The following M1AP variants were observed in gnomAD, a reference collection of about 807,000 sequenced individuals.
The protein encoded by M1AP is meiosis 1 associated protein, also known as meiosis 1 arrest protein.
Under a neutral mutation model 51.2 loss-of-function variants are expected in M1AP, and 39 were observed. The ratio of observed to expected loss-of-function variants is 0.76; its 90% CI spans 0.59 to 1.00. The LOEUF (loss-of-function observed/expected upper bound fraction) is 1.00, where lower values mean the gene tolerates loss of function less well. Among genes scored for constraint, M1AP ranks in the 50% least tolerant of loss-of-function variants. The pLI, the probability that M1AP is intolerant of heterozygous loss-of-function variation, is 0.00. For missense variants in M1AP, 545 were observed against 641.2 expected (o/e 0.85, Z 1.62); for synonymous variants, 251 against 249.2 (o/e 1.01, Z -0.07).
At chr2:74,603,608 A>G (rs372079732) in intron 4 of M1AP, among the ~76,000 whole-genome samples, 1 of 152,210 alleles carries the variant, frequency 6.6e-6, no homozygotes, top group East Asian at 1.9e-4. Context: ...AGAGAAGAAG[A>G]GGGAATTTAG....
At chr2:74,593,569 C>T (rs913113538) in intron 4 of M1AP, among the ~76,000 whole-genome samples, 2 of 152,188 alleles carry the variant, frequency 1.3e-5, no homozygotes, top group Admixed American at 6.5e-5. Flanking sequence ...TTAGTAGAGA[C>T]AAGGTTTCAC....
Position 74,560,568 on chromosome 2 carries a change from G to A in M1AP, c.1282-277C>T, listed in dbSNP as rs374471187. On this transcript the variant is annotated intron_variant, in intron 8 of 10. Coordinates refer to ENST00000421985, the MANE Select transcript of M1AP (RefSeq NM_001321739.2). The stretch of plus-strand genomic sequence containing the variant: ...CAAGATGCATGTCCAGGGGTTCTGA[G>A]GGGGCCGGCGCACATGAATGCTACA... Among the ~76,000 whole-genome samples, 30 of 152,314 alleles carry A rather than the reference G, an allele frequency of 2.0e-4. No homozygotes were observed. The South Asian group carries it at 5.8e-3, about 29-fold the overall frequency.
intron 5 of M1AP, 67 bp downstream of exon 5, chr2:74,581,607 A>G: frequency 6.7e-7 from 1 of 1,501,780 alleles, no homozygotes; most frequent in South Asian, 1.2e-5. Flanking sequence ...CTGACTCACC[A>G]CCAATCTAGA....
At chr2:74,580,995 C>T (rs553353111) in intron 5 of M1AP, among the ~76,000 whole-genome samples, 7 of 152,234 alleles carry the variant, frequency 4.6e-5, no homozygotes, top group Non-Finnish European at 7.4e-5. Flanking sequence ...GCCAGCCTTC[C>T]GAGGAGATGG....
At chr2:74,565,664 T>TA (rs956604083) in intron 7 of M1AP, among the ~76,000 whole-genome samples, 10 of 151,718 alleles carry the variant, frequency 6.6e-5, no homozygotes, top group Non-Finnish European at 1.0e-4. Context: ...CCATCTCTAC[T>TA]AAAAAAATAC....
chr2:74,628,500 G>T, intron 2 of M1AP: 1 of 454,122 alleles, frequency 2.2e-6, no homozygotes, highest in Non-Finnish European at 4.4e-6. Context: ...TACTCTGAAG[G>T]AGAACAAGGC....
intron 2 of M1AP, among the ~76,000 whole-genome samples, chr2:74,636,865 C>G (rs148200039): frequency 1.3e-5 from 2 of 152,134 alleles, no homozygotes; most frequent in Non-Finnish European, 2.9e-5. Flanking sequence ...AGGTGTGAGT[C>G]ACCATGCCCA....
chr2:74,560,118 G>A (rs768342403), intron 9 of M1AP, 33 bp downstream of exon 9: 3 of 1,609,150 alleles, frequency 1.9e-6, no homozygotes, highest in Non-Finnish European at 2.5e-6. Context: ...GGGAGGGGAA[G>A]TAAGGAAGAG....
intron 2 of M1AP, among the ~76,000 whole-genome samples, chr2:74,632,209 A>G (rs1573182549): frequency 6.6e-6 from 1 of 152,190 alleles, no homozygotes. Context: ...CAAATAATTT[A>G]CCTGGCAGAC....
At chr2:74,641,012 T>G (rs1683267817) in intron 1 of M1AP, among the ~76,000 whole-genome samples, 1 of 152,274 alleles carries the variant, frequency 6.6e-6, no homozygotes, top group African/African-American at 2.4e-5. Flanking sequence ...CCTGTCTTGT[T>G]GATATTATTC....
intron 2 of M1AP, among the ~76,000 whole-genome samples, chr2:74,629,998 T>C (rs968263498): frequency 4.6e-5 from 7 of 151,678 alleles, no homozygotes; most frequent in African/African-American, 1.7e-4. Context: ...TGGAGTGCAG[T>C]GGCATAATCA....
At chr2:74,615,229 A>G (rs1296722819) in intron 2 of M1AP, 80 bp from the exon 3 acceptor site, 1 of 1,246,576 alleles carries the variant, frequency 8.0e-7, no homozygotes, top group African/African-American at 1.5e-5. Flanking sequence ...TTTATTATAA[A>G]TAATTCCTCA....
intron 2 of M1AP, chr2:74,615,791 A>T (rs1216342052): frequency 6.6e-6 from 1 of 152,394 alleles, no homozygotes; most frequent in Non-Finnish European, 1.5e-5. Context: ...TACTAGGTCA[A>T]TGTTACTTCT....
intron 3 of M1AP, among the ~76,000 whole-genome samples, chr2:74,611,218 A>C (rs1681319609): frequency 6.6e-6 from 1 of 152,136 alleles, no homozygotes; most frequent in African/African-American, 2.4e-5. Flanking sequence ...AATTCTCTCC[A>C]CTTCAAGTTT....
intron 2 of M1AP, among the ~76,000 whole-genome samples, chr2:74,633,364 A>G (rs1682807618): frequency 6.6e-6 from 1 of 151,868 alleles, no homozygotes; most frequent in South Asian, 2.1e-4. Flanking sequence ...AGAATCCCCT[A>G]CTCTTAATGT....
chr2:74,558,555 G>A lies in M1AP; in HGVS notation c.*161C>T. The A allele has an allele frequency of 1.4e-6, 1 of 729,096 alleles. No individual in the cohort carries two copies. The highest frequency in any genetic ancestry group is 2.2e-6 in the Non-Finnish European group (1 of 455,456). The allele number at this position is 729,096 out of a possible 1,614,324, so 45.2% of individuals were successfully genotyped here. ...TGTGTCGCTTCCAGACTTGAGGAGT[G>A]GGACAGCACTGAAACAGGACAGGAA... On this transcript the variant is annotated 3_prime_UTR_variant, in exon 11 of 11. Transcript: ENST00000421985.
intron 4 of M1AP, among the ~76,000 whole-genome samples, chr2:74,589,270 G>A (rs952958507): frequency 3.3e-5 from 5 of 152,184 alleles, no homozygotes; most frequent in East Asian, 1.9e-4. Flanking sequence ...TTAGCCAGAA[G>A]ACTAAAGCAG....
chr2:74,632,291 A>G (rs754258592), intron 2 of M1AP, among the ~76,000 whole-genome samples: 49 of 152,130 alleles, frequency 3.2e-4, no homozygotes, highest in Non-Finnish European at 6.2e-4. Flanking sequence ...CTCTGTAGGG[A>G]GTTGCAGTCA....
chr2:74,603,525 T>G (rs949012652), intron 4 of M1AP, among the ~76,000 whole-genome samples: 3 of 152,034 alleles, frequency 2.0e-5, no homozygotes, highest in Non-Finnish European at 2.9e-5. Context: ...ATGAATACAG[T>G]AGTAATGAAC....
Sources: gnomAD v4.1 joint callset for allele counts (sites outside exome capture counted in the v4.1 genomes callset) on GRCh38, gnomAD v4.1.1 for gene constraint, MANE v1.5 for transcripts, NCBI Gene and HGNC (gene_info 2026-07-23, HGNC 2026-07-21) for gene names.